Variants in NRG3 observed in about 807,000 individuals in gnomAD.
NRG3 encodes neuregulin 3, also known as pro-neuregulin-3, membrane-bound isoform.
In NRG3, 31 loss-of-function variants were observed where a neutral mutation model predicts 66.9. The observed-to-expected ratio is 0.46, with a 90% CI of 0.35 to 0.63. The LOEUF is 0.63. Among genes scored for constraint, NRG3 ranks in the 20% least tolerant of loss-of-function variants. The pLI is 0.00. For missense variants in NRG3, 910 were observed against 878.9 expected (o/e 1.04, Z -0.45); for synonymous variants, 393 against 359.4 (o/e 1.09, Z -1.06).
chr10:82,036,228 T>C (rs2062784570), intron 1 of NRG3, among the ~76,000 whole-genome samples: 1 of 152,116 alleles, frequency 6.6e-6, no homozygotes, highest in East Asian at 1.9e-4. Context: ...ACTTATATTT[T>C]AGGCTGTTAG....
intron 4 of NRG3, among the ~76,000 whole-genome samples, chr10:82,916,860 C>A (rs954631348): frequency 6.6e-6 from 1 of 152,204 alleles, no homozygotes; most frequent in African/African-American, 2.4e-5. Flanking sequence ...AAGTGACCCA[C>A]CTGCCTCAGC....
At chr10:82,543,752 T>C (rs1313671652) in intron 2 of NRG3, among the ~76,000 whole-genome samples, 1 of 152,224 alleles carries the variant, frequency 6.6e-6, no homozygotes, top group East Asian at 1.9e-4. Flanking sequence ...TTGAATGGAT[T>C]ATTCAAGGAT....
chr10:82,586,028 GA>G (rs2046648052), intron 2 of NRG3, among the ~76,000 whole-genome samples: 3 of 152,166 alleles, frequency 2.0e-5, no homozygotes, highest in African/African-American at 7.2e-5. Context: ...AAATAGGGAA[GA>G]ATATTTCTTG....
chr10:82,518,862 C>T (rs1845937059), intron 2 of NRG3, among the ~76,000 whole-genome samples: 1 of 152,108 alleles, frequency 6.6e-6, no homozygotes, highest in Admixed American at 6.5e-5. Flanking sequence ...AAAAATCTAC[C>T]TACCAGCCTG....
At chr10:82,238,265 A>G (rs1435588272) in intron 1 of NRG3, among the ~76,000 whole-genome samples, 19 of 152,174 alleles carry the variant, frequency 1.2e-4, no homozygotes, top group Admixed American at 1.1e-3. Context: ...CTAAGCATCA[A>G]TAAGTATAGC....
At chr10:82,571,817 C>G (rs917983240) in intron 2 of NRG3, among the ~76,000 whole-genome samples, 1 of 151,416 alleles carries the variant, frequency 6.6e-6, no homozygotes, top group East Asian at 1.9e-4. Flanking sequence ...CTAGTGATTA[C>G]TTTGTATAAA....
chr10:82,948,446 C>T (rs1923573), intron 4 of NRG3, among the ~76,000 whole-genome samples: 75,411 of 151,798 alleles, frequency 0.5, 20,275 homozygotes, highest in East Asian at 0.71. Flanking sequence ...GGCTTGTCAA[C>T]TTCTGTGACA....
At chr10:82,119,532 A>G (rs1470313385) in intron 1 of NRG3, among the ~76,000 whole-genome samples, 3 of 152,158 alleles carry the variant, frequency 2.0e-5, no homozygotes, top group Admixed American at 6.6e-5. Flanking sequence ...TATAGCCAGA[A>G]AGTGTTAAAG....
intron 4 of NRG3, among the ~76,000 whole-genome samples, chr10:82,882,972 A>C (rs977063486): frequency 6.6e-6 from 1 of 152,208 alleles, no homozygotes; most frequent in African/African-American, 2.4e-5. Flanking sequence ...TAAAATATTC[A>C]TACCTCTCTC....
At chr10:82,278,932 T>A (rs1017981966) in intron 1 of NRG3, among the ~76,000 whole-genome samples, 2 of 152,152 alleles carry the variant, frequency 1.3e-5, no homozygotes, top group South Asian at 2.1e-4. Flanking sequence ...GAGTTAGGTG[T>A]CTGCTTCGGT....
intron 1 of NRG3, among the ~76,000 whole-genome samples, chr10:82,036,448 C>T (rs76593553): frequency 0.019 from 2,903 of 152,156 alleles, 47 homozygotes; most frequent in Non-Finnish European, 0.032. Flanking sequence ...AAACCAGGCT[C>T]GGGGAGATTA....
In NRG3 at chr10:82,898,814, C is replaced by T. The variant is rs192306812; in HGVS notation, c.1054+33377C>T. ...TTGGCTCACTGCAGCCTCTGCCTCT[C>T]GGGTTCACGCCATTTTTCTGCCTCA... On this transcript the variant is annotated intron_variant, in intron 4 of 8. Transcript: ENST00000372141. Among the ~76,000 whole-genome samples the T allele has an allele frequency of 2.5e-3, 372 of 147,744 alleles. 5 individuals are homozygous for T. Among genetic ancestry groups the T allele is most frequent in the Non-Finnish European group, 2.0e-3 (136 of 67,530 alleles).
chr10:82,722,957 C>T (rs1467671402), intron 2 of NRG3, among the ~76,000 whole-genome samples: 1 of 151,974 alleles, frequency 6.6e-6, no homozygotes, highest in South Asian at 2.1e-4. Context: ...CCACCCGTCC[C>T]ACTACTAGTA....
At chr10:82,639,040 C>G (rs1590973955) in intron 2 of NRG3, among the ~76,000 whole-genome samples, 1 of 152,272 alleles carries the variant, frequency 6.6e-6, no homozygotes, top group East Asian at 1.9e-4. Context: ...TCTGTCGTTG[C>G]CATGTGAAAA....
At chr10:82,589,055 G>A (rs79285366) in intron 2 of NRG3, among the ~76,000 whole-genome samples, 2,324 of 152,138 alleles carry the variant, frequency 0.015, 30 homozygotes, top group Non-Finnish European at 0.023. Flanking sequence ...TTGCAAGGGA[G>A]ACTCACCTCC....
chr10:81,877,593 G>T, intron 1 of NRG3: 1 of 788,798 alleles, frequency 1.3e-6, no homozygotes, highest in African/African-American at 1.9e-5. Flanking sequence ...AGAATGTAGT[G>T]TATTTGTAAG....
At chr10:82,860,818 T>C (rs2064085524) in intron 3 of NRG3, among the ~76,000 whole-genome samples, 1 of 152,234 alleles carries the variant, frequency 6.6e-6, no homozygotes, top group Non-Finnish European at 1.5e-5. Context: ...CTAATATCTG[T>C]GCAGTACTTG....
At chr10:82,535,283 T>C (rs2132688185) in intron 2 of NRG3, among the ~76,000 whole-genome samples, 1 of 151,594 alleles carries the variant, frequency 6.6e-6, no homozygotes, top group African/African-American at 2.4e-5. Flanking sequence ...ATATGTAATT[T>C]AATCACAGTG....
At position 82,731,382 on chromosome 10, in the gene NRG3, A is replaced by G. The variant is rs112608980; in HGVS notation, c.954-7195A>G. Among the ~76,000 whole-genome samples, 52 of 145,922 alleles carry G rather than the reference A, an allele frequency of 3.6e-4. 1 individual carries two copies. Among genetic ancestry groups the G allele is most frequent in the South Asian group, 4.3e-4 (2 of 4,688 alleles). ...ACTCTGTCTCAAAAAAAAAAAAAAA[A>G]AAAAGAAAATGTCATTAGTCTTTGA... On this transcript the variant is annotated intron_variant, in intron 2 of 8. Transcript: ENST00000372141.
Sources: gnomAD v4.1 joint callset for allele counts (sites outside exome capture counted in the v4.1 genomes callset) on GRCh38, gnomAD v4.1.1 for gene constraint, MANE v1.5 for transcripts, NCBI Gene and HGNC (gene_info 2026-07-23, HGNC 2026-07-21) for gene names.